The following TMEM178B variants were observed in gnomAD, a reference collection of about 807,000 sequenced individuals.
TMEM178B encodes transmembrane protein 178B.
TMEM178B carries 5 observed loss-of-function variants against 31.0 expected under a neutral mutation model. The observed-to-expected ratio is 0.16, with a 90% CI of 0.08 to 0.34. The LOEUF (loss-of-function observed/expected upper bound fraction) is 0.34, where lower values mean the gene tolerates loss of function less well. TMEM178B is among the 10% of genes least tolerant of loss of function. The pLI is 1.00. For synonymous variants in TMEM178B, 164 were observed against 164.0 expected (o/e 1.00, Z 0.00); for missense variants, 275 against 400.3 (o/e 0.69, Z 2.67).
intron 1 of TMEM178B, among the ~76,000 whole-genome samples, chr7:141,179,912 G>A (rs1337985738): frequency 3.3e-5 from 5 of 152,132 alleles, no homozygotes; most frequent in South Asian, 2.1e-4. Context: ...TGGCCTCGCC[G>A]GTTTGTCCAA....
chr7:141,131,443 A>G (rs149815548), intron 1 of TMEM178B, among the ~76,000 whole-genome samples: 2 of 152,304 alleles, frequency 1.3e-5, no homozygotes, highest in South Asian at 4.1e-4. Context: ...GAATGTTTCC[A>G]TCAGCCCATT....
rs1365125757 is a variant in TMEM178B, at chr7:141,422,949, T to C, written c.497-14659T>C. On this transcript the variant is annotated intron_variant, in intron 2 of 3. Coordinates refer to ENST00000565468, the MANE Select transcript of TMEM178B (RefSeq NM_001195278.2). The surrounding 1 kb of genome is among the most constrained non-coding windows in gnomAD (Gnocchi z 4.2). Reference sequence around the variant, plus strand: ...CTCTCTTTAGAACAGTGCTGTCCCATGGAAATATCGTGCAAACCGCATGTG... The same window carrying C: ...CTCTCTTTAGAACAGTGCTGTCCCACGGAAATATCGTGCAAACCGCATGTG... 6.6e-6 allele frequency among the ~76,000 whole-genome samples: 1 copy of C among 152,204 alleles called. No individual in the cohort carries two copies. The highest frequency in any genetic ancestry group is 6.5e-5 in the Admixed American group (1 of 15,282).
chr7:141,470,688 C>G lies in TMEM178B; in HGVS notation c.787C>G (p.Leu263Val). The G allele has an allele frequency of 1.3e-6, 2 of 1,535,820 alleles. No individual in the cohort carries two copies. The highest frequency in any genetic ancestry group is 1.7e-6 in the Non-Finnish European group (2 of 1,146,836). ...TGCATGGGGGGGCCTGGGCCTCACA[C>G]TCATCTCGGGATTCTTCTGTACCTT... ...FCAWGGLGLT[L>V]ISGFFCTLAP... Residue 263 changes from leucine to valine, a missense_variant, in exon 4 of 4, where the codon CTC (leucine) becomes GTC (valine). Transcript: ENST00000565468.
intron 2 of TMEM178B, among the ~76,000 whole-genome samples, chr7:141,223,790 A>G (rs561221374): frequency 6.6e-6 from 1 of 152,290 alleles, no homozygotes; most frequent in East Asian, 1.9e-4. Context: ...GCACCATCCA[A>G]TAGAACTCCC....
chr7:141,417,594 G>T (rs976101610), intron 2 of TMEM178B, among the ~76,000 whole-genome samples: 7 of 152,140 alleles, frequency 4.6e-5, no homozygotes, highest in African/African-American at 1.4e-4. Flanking sequence ...TAGAGGAGCT[G>T]GGAGTGACTT....
At chr7:141,297,370 A>C (rs1401477767) in intron 2 of TMEM178B, among the ~76,000 whole-genome samples, 1 of 152,070 alleles carries the variant, frequency 6.6e-6, no homozygotes, top group Non-Finnish European at 1.5e-5. Context: ...TATTATTTTT[A>C]TTATACTTTA....
chr7:141,142,686 C>T (rs1188654714), intron 1 of TMEM178B, among the ~76,000 whole-genome samples: 1 of 152,152 alleles, frequency 6.6e-6, no homozygotes, highest in Non-Finnish European at 1.5e-5. Flanking sequence ...GGATTACAGG[C>T]GTGAGCCACC....
intron 2 of TMEM178B, among the ~76,000 whole-genome samples, chr7:141,302,984 A>G (rs2116444463): frequency 6.6e-6 from 1 of 152,350 alleles, no homozygotes; most frequent in South Asian, 2.1e-4. Context: ...TGGCTTACTG[A>G]GAAGGGTTCA....
chr7:141,484,780 T>C (rs1802529383), downstream of TMEM178B, among the ~76,000 whole-genome samples: 1 of 152,108 alleles, frequency 6.6e-6, no homozygotes, highest in Non-Finnish European at 1.5e-5. This position sits in a 1 kb window ranked among gnomAD's most constrained non-coding sequence, Gnocchi z 4.8. Context: ...CAGGCTGGTC[T>C]CAGACTCCTG....
rs556741538 is a variant in TMEM178B, at chr7:141,156,470, A to G, written c.383-56121A>G. Among the ~76,000 whole-genome samples the G allele has an allele frequency of 1.1e-4, 16 of 152,324 alleles. No homozygotes were observed. In the East Asian group the frequency reaches 2.5e-3, roughly 24 times the overall value. ...TGAGTACCATAGAGCCTAGTAATAA[A>G]ACACAGATTCAAAAATGAAAAACGT... is the stretch of plus-strand genomic sequence containing the variant. On this transcript the variant is annotated intron_variant, in intron 1 of 3. Coordinates refer to ENST00000565468, the MANE Select transcript of TMEM178B (RefSeq NM_001195278.2).
At chr7:141,338,187 T>A (rs567712849) in intron 2 of TMEM178B, among the ~76,000 whole-genome samples, 21 of 152,252 alleles carry the variant, frequency 1.4e-4, no homozygotes, top group African/African-American at 3.4e-4. Context: ...GTGATAGAAA[T>A]TAGAGCAATA....
At chr7:141,155,100 T>G (rs1433303960) in intron 1 of TMEM178B, among the ~76,000 whole-genome samples, 1 of 152,136 alleles carries the variant, frequency 6.6e-6, no homozygotes, top group Non-Finnish European at 1.5e-5. Context: ...TTGCCCAAAC[T>G]TGGCCAATCT....
intron 2 of TMEM178B, among the ~76,000 whole-genome samples, chr7:141,293,575 G>T (rs1475079886): frequency 6.6e-6 from 1 of 152,150 alleles, no homozygotes; most frequent in African/African-American, 2.4e-5. Context: ...ATGGAAAAAA[G>T]AAAAGGAAGT....
rs1315212992 is a variant in TMEM178B, at chr7:141,470,185, T to C, written c.635-351T>C. 3.3e-5 allele frequency among the ~76,000 whole-genome samples: 5 copies of C among 152,280 alleles called. No individual in the cohort carries two copies. The East Asian group carries it at 7.7e-4, about 23-fold the overall frequency. On this transcript the variant is annotated intron_variant, in intron 3 of 3. Coordinates refer to ENST00000565468, the MANE Select transcript of TMEM178B (RefSeq NM_001195278.2). ...TGTCTCCAAAGAAATACAATGAATT[T>C]AAAATGCTTTAGGAAAATGAACTGA... is the stretch of plus-strand genomic sequence containing the variant.
intron 1 of TMEM178B, among the ~76,000 whole-genome samples, chr7:141,108,985 AG>A (rs1235111935): frequency 6.6e-6 from 1 of 152,212 alleles, no homozygotes; most frequent in Non-Finnish European, 1.5e-5. Context: ...AGAGAGAATG[AG>A]AGCCAAGTGA....
intron 1 of TMEM178B, among the ~76,000 whole-genome samples, chr7:141,083,444 G>T (rs147059613): frequency 1.3e-5 from 2 of 151,146 alleles, no homozygotes; most frequent in African/African-American, 4.9e-5. Flanking sequence ...GAAAAGAGGG[G>T]CAAGGCAAAA....
intron 3 of TMEM178B, among the ~76,000 whole-genome samples, chr7:141,456,424 C>T (rs538739331): frequency 2.3e-4 from 35 of 152,294 alleles, no homozygotes; most frequent in African/African-American, 8.2e-4. Flanking sequence ...TTGTAGCTCC[C>T]CTACCAGGAA....
chr7:141,344,325 G>A lies in TMEM178B; in HGVS notation c.497-93283G>A, dbSNP rs1799570478. On this transcript the variant is annotated intron_variant, in intron 2 of 3. Coordinates refer to ENST00000565468, the MANE Select transcript of TMEM178B (RefSeq NM_001195278.2). This position sits in a 1 kb window ranked among gnomAD's most constrained non-coding sequence, Gnocchi z 4.1. ...CTTAGCCACAGAGTTCAAGATGTTG[G>A]TTTCAGATCTCTGACTTCAAGGCCT... 6.6e-6 allele frequency among the ~76,000 whole-genome samples: 1 copy of A among 152,110 alleles called. No individual in the cohort carries two copies.
At chr7:141,382,801 A>G (rs1243543058) in intron 2 of TMEM178B, among the ~76,000 whole-genome samples, 2 of 152,240 alleles carry the variant, frequency 1.3e-5, no homozygotes. Flanking sequence ...CAGTCCCACA[A>G]ACAAACCTCA....
Sources: gnomAD v4.1 joint callset for allele counts (sites outside exome capture counted in the v4.1 genomes callset) on GRCh38, gnomAD v4.1.1 for gene constraint, Gnocchi (gnomAD v3.1) non-coding constraint, MANE v1.5 for transcripts, NCBI Gene and HGNC (gene_info 2026-07-23, HGNC 2026-07-21) for gene names.